Variants in FMNL2 observed in about 807,000 individuals in gnomAD.
The protein encoded by FMNL2 is formin-like protein 2.
Under a neutral mutation model 130.2 loss-of-function variants are expected in FMNL2, and 51 were observed. The observed-to-expected ratio is 0.39, with a 90% CI of 0.31 to 0.49. The LOEUF is 0.49. Among genes scored for constraint, FMNL2 ranks in the 20% least tolerant of loss-of-function variants. FMNL2 has a pLI of 0.85. For synonymous variants in FMNL2, 465 were observed against 467.1 expected (o/e 1.00, Z 0.06); for missense variants, 977 against 1,316.2 (o/e 0.74, Z 3.99).
At chr2:152,441,626 C>T (rs1688051072) in intron 1 of FMNL2, among the ~76,000 whole-genome samples, 1 of 151,958 alleles carries the variant, frequency 6.6e-6, no homozygotes, top group Admixed American at 6.6e-5. Flanking sequence ...CACCTGAGGT[C>T]GGGAGTTCGA....
Position 152,648,913 on chromosome 2 carries a change from A to G in FMNL2, c.*1008A>G, listed in dbSNP as rs557955405. 1 of 152,718 alleles carries G rather than the reference A, an allele frequency of 6.5e-6. No individual in the cohort carries two copies. The highest frequency in any genetic ancestry group is 6.5e-5 in the Admixed American group (1 of 15,294). The allele number at this position is 152,718 out of a possible 1,614,324, so 9.5% of individuals were successfully genotyped here. On this transcript the variant is annotated 3_prime_UTR_variant, in exon 26 of 26. Transcript: ENST00000288670. ...GAGAATTGCAGTTTAAGTTGCTGAA[A>G]AGTATTAACATGGTATTAAGCTTAA... is the stretch of plus-strand genomic sequence containing the variant.
At chr2:152,600,672 A>G (rs762654604) in intron 9 of FMNL2, among the ~76,000 whole-genome samples, 5 of 151,934 alleles carry the variant, frequency 3.3e-5, no homozygotes, top group African/African-American at 7.3e-5. Context: ...GATTGATCCA[A>G]ATGGTTTGGG....
chr2:152,364,260 T>TG (rs1683371678), intron 1 of FMNL2, among the ~76,000 whole-genome samples: 2 of 17,894 alleles, frequency 1.1e-4, no homozygotes, highest in Non-Finnish European at 5.0e-4. Flanking sequence ...GAGGTTTGTG[T>TG]GTTTTTTTTT....
intron 1 of FMNL2, among the ~76,000 whole-genome samples, chr2:152,408,584 T>C (rs1686122926): frequency 6.6e-6 from 1 of 152,186 alleles, no homozygotes; most frequent in African/African-American, 2.4e-5. Flanking sequence ...TTACGGGTTT[T>C]TTTTTGCCCT....
At chr2:152,473,508 C>T (rs1010711570) in intron 1 of FMNL2, among the ~76,000 whole-genome samples, 1 of 152,090 alleles carries the variant, frequency 6.6e-6, no homozygotes, top group Non-Finnish European at 1.5e-5. Flanking sequence ...TTTTCATGGT[C>T]CACTTATTTT....
intron 1 of FMNL2, among the ~76,000 whole-genome samples, chr2:152,518,542 C>T (rs538000708): frequency 4.6e-5 from 7 of 152,296 alleles, no homozygotes; most frequent in Admixed American, 6.5e-5. Flanking sequence ...CAGGCCTAAA[C>T]AGGGTCATTT....
At chr2:152,468,108 A>G (rs1027675430) in intron 1 of FMNL2, among the ~76,000 whole-genome samples, 1 of 152,250 alleles carries the variant, frequency 6.6e-6, no homozygotes, top group African/African-American at 2.4e-5. Flanking sequence ...ATGACAAAGC[A>G]TAGAGTAGTC....
intron 1 of FMNL2, among the ~76,000 whole-genome samples, chr2:152,386,437 A>G (rs575309952): frequency 3.1e-4 from 47 of 152,316 alleles, no homozygotes; most frequent in African/African-American, 1.1e-3. Context: ...CATAGCAGTT[A>G]ATAAGTTATG....
At chr2:152,643,860 A>ATAAGAT in intron 25 of FMNL2, 2 of 985,476 alleles carry the variant, frequency 2.0e-6, no homozygotes, top group Non-Finnish European at 2.4e-6. Flanking sequence ...TAGATTGCTT[A>ATAAGAT]TAAGATTTTT....
chr2:152,380,871 G>A (rs1397428690), intron 1 of FMNL2, among the ~76,000 whole-genome samples: 10 of 152,168 alleles, frequency 6.6e-5, no homozygotes, highest in Admixed American at 6.6e-4. Context: ...ACAGTGAGAT[G>A]AGACTGGCTG....
intron 2 of FMNL2, among the ~76,000 whole-genome samples, chr2:152,530,864 A>G (rs1348931216): frequency 6.6e-6 from 1 of 152,152 alleles, no homozygotes; most frequent in Non-Finnish European, 1.5e-5. Context: ...ATACAAGGTA[A>G]GTTGGTTTAA....
chr2:152,431,241 A>G (rs1217918198), intron 1 of FMNL2, among the ~76,000 whole-genome samples: 2 of 152,198 alleles, frequency 1.3e-5, no homozygotes, highest in Admixed American at 6.5e-5. Flanking sequence ...AAAAATGGAG[A>G]AAATAATCCC....
chr2:152,473,589 G>C (rs1311205186), intron 1 of FMNL2, among the ~76,000 whole-genome samples: 1 of 152,056 alleles, frequency 6.6e-6, no homozygotes, highest in Non-Finnish European at 1.5e-5. Flanking sequence ...AAAATCATGG[G>C]GCTGATATTA....
chr2:152,558,590 C>A, intron 4 of FMNL2, 150 bp from the exon 5 acceptor site: 2 of 635,998 alleles, frequency 3.1e-6, no homozygotes, highest in East Asian at 2.8e-5. Flanking sequence ...AAGCTCCTGC[C>A]TCATGTGAAG....
chr2:152,558,357 C>T (rs565979310), intron 4 of FMNL2, among the ~76,000 whole-genome samples: 8 of 152,136 alleles, frequency 5.3e-5, no homozygotes, highest in African/African-American at 1.7e-4. Context: ...TGTCATGTCC[C>T]CCATCTGCCT....
At chr2:152,600,688 G>C (rs887120106) in intron 9 of FMNL2, among the ~76,000 whole-genome samples, 6 of 151,296 alleles carry the variant, frequency 4.0e-5, no homozygotes, top group African/African-American at 1.5e-4. Flanking sequence ...TTGGGACACT[G>C]TTCACAAATG....
chr2:152,511,824 A>G (rs1692509287), intron 1 of FMNL2, among the ~76,000 whole-genome samples: 1 of 152,176 alleles, frequency 6.6e-6, no homozygotes, highest in South Asian at 2.1e-4. Flanking sequence ...AGGTGAAATT[A>G]TATACTGCTT....
chr2:152,568,223 T>TTTTTGTTTTGTTTTGTTTTTG (rs1553478443), intron 6 of FMNL2, among the ~76,000 whole-genome samples: 2,755 of 132,310 alleles, frequency 0.021, 49 homozygotes, highest in South Asian at 0.032. Flanking sequence ...GGTGGGTTTT[T>TTTTTGTTTTGTTTTGTTTTTG]TTTTTTTTTT....
At chr2:152,636,845 C>T (rs1682655462) in intron 22 of FMNL2, among the ~76,000 whole-genome samples, 1 of 152,152 alleles carries the variant, frequency 6.6e-6, no homozygotes. Context: ...TCAATACTCA[C>T]TCCAGTGTGG....
Sources: allele counts gnomAD v4.1 joint callset (sites outside exome capture counted in the v4.1 genomes callset), GRCh38; gene constraint gnomAD v4.1.1; transcripts MANE v1.5; gene names NCBI Gene and HGNC (gene_info 2026-07-23, HGNC 2026-07-21).